Variants in PALLD observed in about 807,000 individuals in gnomAD.
The protein encoded by PALLD is palladin, cytoskeletal associated protein.
A neutral mutation model predicts 123.5 loss-of-function variants in PALLD; 61 were observed. That is an observed-to-expected ratio of 0.49 (90% CI 0.40 to 0.61). The LOEUF (loss-of-function observed/expected upper bound fraction) is 0.61, where lower values mean the gene tolerates loss of function less well. Ranked by LOEUF, PALLD falls within the 20% of genes least tolerant of loss-of-function variation. PALLD has a pLI of 0.00. For missense variants in PALLD, 1,273 were observed against 1,377.0 expected (o/e 0.92, Z 1.20); for synonymous variants, 465 against 496.4 (o/e 0.94, Z 0.84).
At chr4:168,523,881 C>A (rs1033681058) in intron 2 of PALLD, among the ~76,000 whole-genome samples, 2 of 152,084 alleles carry the variant, frequency 1.3e-5, no homozygotes, top group Admixed American at 6.6e-5. Context: ...TAAAATGATT[C>A]CTCTTTATTT....
intron 1 of PALLD, among the ~76,000 whole-genome samples, chr4:168,509,658 T>C (rs1053620723): frequency 1.3e-5 from 2 of 152,202 alleles, no homozygotes; most frequent in Non-Finnish European, 2.9e-5. Context: ...AAGGATTTAC[T>C]TGAAGAAGAG....
At chr4:168,553,609 C>T (rs1199974543) in intron 2 of PALLD, among the ~76,000 whole-genome samples, 4 of 152,174 alleles carry the variant, frequency 2.6e-5, no homozygotes, top group African/African-American at 9.7e-5. Flanking sequence ...GTGAATTAGA[C>T]TGAACGTTTG....
At chr4:168,610,075 G>T (rs183913733) in intron 2 of PALLD, among the ~76,000 whole-genome samples, 35 of 152,126 alleles carry the variant, frequency 2.3e-4, no homozygotes, top group African/African-American at 8.2e-4. Context: ...TCTCCAATTG[G>T]TTCTTCATAA....
At chr4:168,685,059 A>T (rs1723774450) in intron 5 of PALLD, among the ~76,000 whole-genome samples, 1 of 152,214 alleles carries the variant, frequency 6.6e-6, no homozygotes, top group Admixed American at 6.5e-5. Flanking sequence ...GTACAAGTTA[A>T]ATAAGATAGG....
At chr4:168,899,659 G>A (rs893955886) in intron 14 of PALLD, among the ~76,000 whole-genome samples, 2 of 152,188 alleles carry the variant, frequency 1.3e-5, no homozygotes, top group Non-Finnish European at 2.9e-5. Flanking sequence ...GCTCACGCCT[G>A]TAATCCCAGC....
chr4:168,889,138 T>G (rs58716837), intron 10 of PALLD, among the ~76,000 whole-genome samples: 1 of 132,238 alleles, frequency 7.6e-6, no homozygotes, highest in Non-Finnish European at 1.6e-5. Flanking sequence ...TTGCTTTATT[T>G]TGTGTGTGTG....
At chr4:168,509,231 A>G (rs1056721489) in intron 1 of PALLD, among the ~76,000 whole-genome samples, 12 of 152,142 alleles carry the variant, frequency 7.9e-5, no homozygotes, top group African/African-American at 2.9e-4. Flanking sequence ...GATTCCAAAC[A>G]TTGTATTTTA....
At chr4:168,876,318 A>G (rs1391619573) in intron 10 of PALLD, among the ~76,000 whole-genome samples, 2 of 152,246 alleles carry the variant, frequency 1.3e-5, no homozygotes, top group Non-Finnish European at 2.9e-5. Flanking sequence ...TGTGCTGGAC[A>G]GTCTACCCAA....
At chr4:168,539,351 A>G (rs1309944358) in intron 2 of PALLD, among the ~76,000 whole-genome samples, 1 of 152,062 alleles carries the variant, frequency 6.6e-6, no homozygotes, top group Non-Finnish European at 1.5e-5. Flanking sequence ...GCACTTTGGG[A>G]CGCCGAGGCA....
At chr4:168,668,524 T>G (rs1318946471) in intron 3 of PALLD, among the ~76,000 whole-genome samples, 156 bp downstream of exon 3, 1 of 152,258 alleles carries the variant, frequency 6.6e-6, no homozygotes, top group Non-Finnish European at 1.5e-5. Flanking sequence ...AATTGAACTG[T>G]TCCGACATTT....
chr4:168,882,731 G>T (rs1250169981), intron 10 of PALLD, among the ~76,000 whole-genome samples: 1 of 152,038 alleles, frequency 6.6e-6, no homozygotes, highest in Non-Finnish European at 1.5e-5. Flanking sequence ...AAATTAGTAG[G>T]CAAGGCCTCC....
chr4:168,631,974 A>G lies in PALLD; in HGVS notation c.909-36216A>G, dbSNP rs1018161078. ...GCAGCCTTTCCAGGCAGTGGCATGCAAGTACTCGTGCGAAGAGTACTGTTT... is the reference window on the plus strand; with the variant it reads ...GCAGCCTTTCCAGGCAGTGGCATGCGAGTACTCGTGCGAAGAGTACTGTTT... On this transcript the variant is annotated intron_variant, in intron 2 of 21. Transcript: ENST00000505667. 6.8e-6 allele frequency: 6 copies of G among 882,474 alleles called. No individual in the cohort carries two copies. The Admixed American group carries it at 3.7e-4, about 55-fold the overall frequency. 54.7% of individuals were successfully genotyped at this position (882,474 alleles called of 1,614,324 possible).
In PALLD at chr4:168,691,271, C is replaced by T; in HGVS notation, c.1480C>T (p.Pro494Ser). Residue 494 changes from proline to serine, a missense_variant and splice_region_variant, in exon 8 of 22, where the codon CCT becomes TCT. Transcript: ENST00000505667. ...TATTTTTTTCATGTGGCAAACAGAA[C>T]CTAGATCTACAGCTGAACCTGGTAA... Reference protein sequence around the residue: ...SPDFRILQKKPRSTAEPEEIC... With the variant: ...SPDFRILQKKSRSTAEPEEIC... The T allele has an allele frequency of 1.2e-6, 2 of 1,608,988 alleles. No individual in the cohort carries two copies. The highest frequency in any genetic ancestry group is 1.7e-6 in the Non-Finnish European group (2 of 1,176,762).
intron 10 of PALLD, among the ~76,000 whole-genome samples, chr4:168,849,522 C>T (rs1183183215): frequency 6.6e-6 from 1 of 152,174 alleles, no homozygotes; most frequent in Non-Finnish European, 1.5e-5. Flanking sequence ...CTGGAGAGAA[C>T]TGAATGTCTG....
chr4:168,873,779 G>C (rs1751389077), intron 10 of PALLD, among the ~76,000 whole-genome samples: 1 of 152,178 alleles, frequency 6.6e-6, no homozygotes, highest in African/African-American at 2.4e-5. Context: ...CTAACTGATG[G>C]TGAATTTTTT....
intron 10 of PALLD, among the ~76,000 whole-genome samples, chr4:168,761,645 G>GTTTTTTTTGTTTTTTTTTTTT (rs1732874829): frequency 1.1e-5 from 1 of 88,024 alleles, no homozygotes; most frequent in Non-Finnish European, 2.2e-5. Flanking sequence ...GTTGTTGTTT[G>GTTTTTTTTGTTTTTTTTTTTT]TTTTTTTTTT....
chr4:168,572,665 GCC>G (rs1769120272), intron 2 of PALLD, among the ~76,000 whole-genome samples: 4 of 151,782 alleles, frequency 2.6e-5, no homozygotes, highest in Non-Finnish European at 5.9e-5. Context: ...TAAAGCCAAA[GCC>G]TGAGAGTCAT....
At chr4:168,754,161 G>A (rs1218664175) in intron 10 of PALLD, among the ~76,000 whole-genome samples, 1 of 152,270 alleles carries the variant, frequency 6.6e-6, no homozygotes, top group African/African-American at 2.4e-5. Flanking sequence ...TTCCTTCTTT[G>A]TTATTTAGAG....
At chr4:168,812,721 T>G (rs1227996290) in intron 10 of PALLD, among the ~76,000 whole-genome samples, 3 of 152,190 alleles carry the variant, frequency 2.0e-5, no homozygotes, top group Non-Finnish European at 4.4e-5. Flanking sequence ...TGATAAGTAT[T>G]GAGATTCAGA....
Sources: allele counts gnomAD v4.1 joint callset (sites outside exome capture counted in the v4.1 genomes callset), GRCh38; gene constraint gnomAD v4.1.1; transcripts MANE v1.5; gene names NCBI Gene and HGNC (gene_info 2026-07-23, HGNC 2026-07-21).